TREM2: variants seen among roughly 807,000 people sequenced by gnomAD.
The protein encoded by TREM2 is triggering receptor expressed on myeloid cells 2, also known as triggering receptor expressed on monocytes 2.
TREM2 carries 20 observed loss-of-function variants against 22.9 expected under a neutral mutation model. The ratio of observed to expected loss-of-function variants is 0.87; its 90% CI spans 0.61 to 1.27. The LOEUF (loss-of-function observed/expected upper bound fraction) is 1.27, where lower values mean the gene tolerates loss of function less well. Ranked by LOEUF, TREM2 falls within the 50% of genes most tolerant of loss-of-function variation. The probability of loss-of-function intolerance (pLI) is 0.00; values close to 1 mark genes in which losing one functional copy is unlikely to be tolerated. For synonymous variants in TREM2, 111 were observed against 120.9 expected (o/e 0.92, Z 0.54); for missense variants, 267 against 289.0 (o/e 0.92, Z 0.55).
chr6:41,160,610 C>T (rs1765538348), intron 2 of TREM2, among the ~76,000 whole-genome samples: 1 of 152,118 alleles, frequency 6.6e-6, no homozygotes, highest in African/African-American at 2.4e-5. Flanking sequence ...GAATGACGAT[C>T]CCAAGACAGT....
Position 41,159,870 on chromosome 6 carries a change from T to A in TREM2, c.404A>T (p.His135Leu), listed in dbSNP as rs2113878256. The change falls in exon 3 of 5, where the codon CAC becomes CTC. Residue 135 changes from histidine to leucine, a missense_variant. His to Leu is a moderately conservative substitution (Grantham distance 99). Transcript: ENST00000373113. ...GAACCAGAGATCTCCAGCATCCCGG[T>A]GATCCAGGGGGTCTATGGGAGGCAG... ...LVEVLADPLD[H>L]RDAGDLWFPG... 6.2e-7 allele frequency: 1 copy of A among 1,613,868 alleles called. No homozygotes were observed. The highest frequency in any genetic ancestry group is 2.2e-5 in the East Asian group (1 of 44,874).
At position 41,159,743 on chromosome 6, in the gene TREM2, G is replaced by A. The variant is rs530672802; in HGVS notation, c.482+49C>T. On this transcript the variant is annotated intron_variant, in intron 3 of 4. Transcript: ENST00000373113. ...CCAGCCCCCACCCCCGTGGGGCTCT[G>A]CAGGGTGGAAGTCTGCCCACGGGTT... The A allele has an allele frequency of 1.6e-5, 25 of 1,562,222 alleles. No individual in the cohort carries two copies. The South Asian group carries it at 2.1e-4, about 13-fold the overall frequency.
At chr6:41,162,208 T>C (rs1765584678) in intron 1 of TREM2, among the ~76,000 whole-genome samples, 1 of 152,188 alleles carries the variant, frequency 6.6e-6, no homozygotes, top group Non-Finnish European at 1.5e-5. Context: ...CTTTGACTTC[T>C]CTCTTGGTCC....
rs1435233370 is a variant in TREM2 at position 41,161,517 on chromosome 6, C to T, written c.137G>A (p.Arg46Lys). The T allele has an allele frequency of 6.2e-7, 1 of 1,614,214 alleles. No individual in the cohort carries two copies. The highest frequency in any genetic ancestry group is 1.7e-5 in the Admixed American group (1 of 60,036). The change falls in exon 2 of 5, where the codon AGG (arginine) becomes AAG (lysine). Residue 46 changes from arginine (R) to lysine (K), a missense_variant. Transcript: ENST00000373113. The part of the protein sequence containing the change: ...CPYDSMKHWG[R>K]RKAWCRQLGE... ...CAGCTGGCGGCACCAGGCCTTGCGC[C>T]TCCCCCAGTGCTTCATGGAGTCATA... is the stretch of plus-strand genomic sequence containing the variant.
chr6:41,163,109 A>T lies in TREM2; in HGVS notation c.-27T>A, dbSNP rs2113882351. On this transcript the variant is annotated 5_prime_UTR_variant, in exon 1 of 5. Transcript: ENST00000373113. ...CCACCCTTCCCCAGCCAAGGGCAGA[A>T]GCAGAGTGCCTTGTGCAAGATCTCG... 1 of 1,613,720 alleles carries T rather than the reference A, an allele frequency of 6.2e-7. No individual in the cohort carries two copies. Among genetic ancestry groups the T allele is most frequent in the Non-Finnish European group, 8.5e-7 (1 of 1,179,836 alleles).
chr6:41,162,082 G>A (rs1242248932), intron 1 of TREM2, among the ~76,000 whole-genome samples: 28 of 152,166 alleles, frequency 1.8e-4, no homozygotes, highest in East Asian at 1.9e-4. Context: ...GGAAGGACCC[G>A]TCTCGGAGAT....
chr6:41,161,292 A>C lies in TREM2; in HGVS notation c.362T>G (p.Leu121Arg). The C allele has an allele frequency of 5.0e-6, 8 of 1,614,120 alleles. No homozygotes were observed. Among genetic ancestry groups the C allele is most frequent in the Non-Finnish European group, 6.8e-6 (8 of 1,179,982 alleles). ...CAGCACCTCCACCAGGACCTTCCTG[A>C]GGGTGTCAGCCTCACTGCCATGGAG... The part of the protein sequence containing the change: ...QSLHGSEADT[L>R]RKVLVEVLAD... The change falls in exon 2 of 5, where the codon CTC (leucine) becomes CGC (arginine). Residue 121 changes from leucine (L) to arginine (R), a missense_variant. By Grantham distance (102) the Leu-to-Arg change is moderately radical. Coordinates refer to ENST00000373113, the MANE Select transcript of TREM2 (RefSeq NM_018965.4).
chr6:41,160,307 A>G (rs970659250), intron 2 of TREM2, among the ~76,000 whole-genome samples: 19 of 152,114 alleles, frequency 1.2e-4, no homozygotes, highest in Middle Eastern at 3.2e-3. Context: ...GCCACCGGCC[A>G]TCCTTAGGAA....
In TREM2 at chr6:41,163,103, G is replaced by C; in HGVS notation, c.-21C>G. On this transcript the variant is annotated 5_prime_UTR_variant, in exon 1 of 5. Coordinates refer to ENST00000373113, the MANE Select transcript of TREM2 (RefSeq NM_018965.4). ...TCCATGCCACCCTTCCCCAGCCAAGGGCAGAAGCAGAGTGCCTTGTGCAAG... is the reference window on the plus strand; with the variant it reads ...TCCATGCCACCCTTCCCCAGCCAAGCGCAGAAGCAGAGTGCCTTGTGCAAG... 1.2e-6 allele frequency: 2 copies of C among 1,613,876 alleles called. No individual in the cohort carries two copies. Among genetic ancestry groups the C allele is most frequent in the South Asian group, 1.1e-5 (1 of 91,024 alleles).
chr6:41,161,479 G>C lies in TREM2; in HGVS notation c.175C>G (p.Pro59Ala). 1 of 1,614,210 alleles carries C rather than the reference G, an allele frequency of 6.2e-7. No homozygotes were observed. Among genetic ancestry groups the C allele is most frequent in the Non-Finnish European group, 8.5e-7 (1 of 1,180,044 alleles). ...TGCGTGCTGACCACACGCTGGCATG[G>C]GCCCTTCTCTCCCAGCTGGCGGCAC... The part of the protein sequence containing the change: ...AWCRQLGEKG[P>A]CQRVVSTHNL... Residue 59 changes from proline (P) to alanine (A), a missense_variant, in exon 2 of 5, where the codon CCA (proline) becomes GCA (alanine). Transcript: ENST00000373113.
Position 41,158,881 on chromosome 6 carries a change from G to A in TREM2, c.668C>T (p.Thr223Ile), listed in dbSNP as rs138355759. The change falls in exon 4 of 5, where the codon ACT (threonine) becomes ATT (isoleucine). Residue 223 changes from threonine to isoleucine, a missense_variant. Coordinates refer to ENST00000373113, the MANE Select transcript of TREM2 (RefSeq NM_018965.4). Reference protein sequence around the residue: ...CGHDPGYQLQTLPGLRDT With the variant: ...CGHDPGYQLQILPGLRDT ...GTGCTCTCCAAGCCCACCTGGCAGA[G>A]TTTGGAGCTGATACCCTGGGTCATG... 954 of 1,614,246 alleles carry A rather than the reference G, an allele frequency of 5.9e-4. 8 individuals carry two copies. Among genetic ancestry groups the A allele is most frequent in the South Asian group, 4.5e-3 (414 of 91,090 alleles).
chr6:41,159,845 G>A lies in TREM2; in HGVS notation c.429C>T (p.Phe143=), dbSNP rs139397773. ...CCTCGAAGCTCTCAGACTCCCCGGG[G>A]AACCAGAGATCTCCAGCATCCCGGT... is the stretch of plus-strand genomic sequence containing the variant. ...LDHRDAGDLW[F]PGESESFEDA... is the part of the protein sequence containing the mutation. Residue 143 remains phenylalanine (F), a synonymous_variant, in exon 3 of 5, where the codon TTC becomes TTT. Transcript: ENST00000373113. The A allele has an allele frequency of 4.4e-5, 71 of 1,613,928 alleles. No homozygotes were observed. The highest frequency in any genetic ancestry group is 2.2e-4 in the Admixed American group (13 of 59,992).
chr6:41,158,809 CCT>C (rs1250425467), intron 4 of TREM2, 29 bp from the exon 5 acceptor site: 1 of 1,614,094 alleles, frequency 6.2e-7, no homozygotes, highest in Non-Finnish European at 8.5e-7. Context: ...TCATGTGGCC[CCT>C]CTCGGCACCG....
chr6:41,161,374 TGA>T lies in TREM2; in HGVS notation c.278_279del (p.Leu93HisfsTer11). On this transcript the variant is annotated frameshift_variant, in exon 2 of 5. Transcript: ENST00000373113. LOFTEE classifies it high-confidence loss of function. ...GGTTGTAGATTCCGCAGCGTAATGG[TGA>T]GAGTGCCACCCAGGGTATCGTCTGT... is the stretch of plus-strand genomic sequence containing the variant. ...AITDDTLGGT[L>X]TITLRNLQPH... 1 of 1,614,156 alleles carries T rather than the reference TGA, an allele frequency of 6.2e-7. No individual in the cohort carries two copies. The highest frequency in any genetic ancestry group is 8.5e-7 in the Non-Finnish European group (1 of 1,180,004).
chr6:41,160,803 G>C (rs1391985355), intron 2 of TREM2, among the ~76,000 whole-genome samples: 3 of 152,194 alleles, frequency 2.0e-5, no homozygotes, highest in African/African-American at 7.2e-5. Flanking sequence ...TCCTTTCTAG[G>C]GGTGATTTTC....
intron 1 of TREM2, among the ~76,000 whole-genome samples, chr6:41,162,197 GC>G (rs1765584224): frequency 1.3e-5 from 2 of 152,224 alleles, no homozygotes; most frequent in African/African-American, 2.4e-5. Flanking sequence ...AGAGCCCCCT[GC>G]TTTGACTTCT....
At chr6:41,159,103 T>C in intron 3 of TREM2, 37 bp from the exon 4 acceptor site, 1 of 1,589,138 alleles carries the variant, frequency 6.3e-7, no homozygotes, top group Non-Finnish European at 8.6e-7. Context: ...AGCCTTGAGA[T>C]GGCCTACAGA....
Position 41,159,867 on chromosome 6 carries a change from C to T in TREM2, c.407G>A (p.Arg136Gln), listed in dbSNP as rs149622783. The change falls in exon 3 of 5, where the codon CGG becomes CAG. Residue 136 changes from arginine to glutamine, a missense_variant. Transcript: ENST00000373113. ...GGGGAACCAGAGATCTCCAGCATCC[C>T]GGTGATCCAGGGGGTCTATGGGAGG... ...VEVLADPLDH[R>Q]DAGDLWFPGE... 1.8e-4 allele frequency: 285 copies of T among 1,613,816 alleles called. No individual in the cohort carries two copies. Among genetic ancestry groups the T allele is most frequent in the Non-Finnish European group, 2.1e-4 (251 of 1,179,986 alleles).
intron 3 of TREM2, 85 bp from the exon 4 acceptor site, chr6:41,159,151 G>A: frequency 1.3e-6 from 2 of 1,515,748 alleles, no homozygotes; most frequent in Non-Finnish European, 1.8e-6. Context: ...GAAACCAGGA[G>A]CTTCTAGGAC....
Sources: gnomAD v4.1 joint callset for allele counts (sites outside exome capture counted in the v4.1 genomes callset) on GRCh38, gnomAD v4.1.1 for gene constraint, MANE v1.5 for transcripts, NCBI Gene and HGNC (gene_info 2026-07-23, HGNC 2026-07-21) for gene names.